CACNA2D3: variants seen among roughly 807,000 people sequenced by gnomAD.
CACNA2D3 encodes calcium voltage-gated channel auxiliary subunit alpha2delta 3.
A neutral mutation model predicts 160.6 loss-of-function variants in CACNA2D3; 60 were observed. The ratio of observed to expected loss-of-function variants is 0.37; its 90% CI spans 0.30 to 0.46. CACNA2D3 has a LOEUF of 0.46. CACNA2D3 is among the 20% of genes least tolerant of loss of function. The pLI is 1.00. For missense variants in CACNA2D3, 1,205 were observed against 1,365.0 expected, an observed-to-expected ratio of 0.88 and a Z score of 1.85; for synonymous variants, 558 against 492.9, an observed-to-expected ratio of 1.13 and a Z score of -1.75.
intron 27 of CACNA2D3, among the ~76,000 whole-genome samples, chr3:54,912,066 A>T (rs1398184190): frequency 6.6e-6 from 1 of 152,104 alleles, no homozygotes; most frequent in Admixed American, 6.6e-5. Flanking sequence ...TTTCACCGTC[A>T]CTCATGAGAT....
intron 2 of CACNA2D3, among the ~76,000 whole-genome samples, chr3:54,194,043 A>C: frequency 6.6e-6 from 1 of 151,966 alleles, no homozygotes; most frequent in East Asian, 1.9e-4. Context: ...GGAGATAGAG[A>C]GTAGAATGGT....
intron 4 of CACNA2D3, among the ~76,000 whole-genome samples, chr3:54,472,202 A>T (rs1700745700): frequency 6.6e-6 from 1 of 152,266 alleles, no homozygotes; most frequent in Non-Finnish European, 1.5e-5. Flanking sequence ...GTCCAACACG[A>T]TCAAGTTGGC....
chr3:54,651,794 G>A (rs1013474969), intron 11 of CACNA2D3, among the ~76,000 whole-genome samples: 2 of 152,126 alleles, frequency 1.3e-5, no homozygotes, highest in Non-Finnish European at 2.9e-5. Context: ...GCCTCTGAGG[G>A]GGTTTTGTAA....
At chr3:54,761,614 G>T (rs1702082501) in intron 12 of CACNA2D3, among the ~76,000 whole-genome samples, 1 of 152,132 alleles carries the variant, frequency 6.6e-6, no homozygotes, top group Non-Finnish European at 1.5e-5. Flanking sequence ...TAACTATGGT[G>T]CCTGATGGCT....
intron 34 of CACNA2D3, among the ~76,000 whole-genome samples, chr3:55,015,809 A>G (rs1285858972): frequency 6.6e-6 from 1 of 152,212 alleles, no homozygotes; most frequent in Non-Finnish European, 1.5e-5. Context: ...GAAAGGTGTT[A>G]GAAACTCCCT....
chr3:54,432,315 A>G (rs9855860), intron 4 of CACNA2D3, among the ~76,000 whole-genome samples: 27,139 of 152,114 alleles, frequency 0.18, 2,557 homozygotes, highest in Admixed American at 0.26. Flanking sequence ...GGGATAAACA[A>G]TGATCTTGTT....
intron 2 of CACNA2D3, among the ~76,000 whole-genome samples, chr3:54,284,291 TA>T (rs930186888): frequency 3.3e-5 from 5 of 151,090 alleles, no homozygotes; most frequent in Admixed American, 6.6e-5. Context: ...AAAATTAAAT[TA>T]AAAAAATTAA....
intron 29 of CACNA2D3, among the ~76,000 whole-genome samples, chr3:54,973,810 A>G (rs182037037): frequency 5.5e-4 from 84 of 152,340 alleles, no homozygotes; most frequent in African/African-American, 1.9e-3. Context: ...AGTTAATGCA[A>G]AGATAGAGCA....
At chr3:54,408,683 T>C (rs1349248933) in intron 4 of CACNA2D3, among the ~76,000 whole-genome samples, 2 of 152,220 alleles carry the variant, frequency 1.3e-5, no homozygotes, top group African/African-American at 2.4e-5. Context: ...GCCTCATCCA[T>C]GAATTATTAA....
chr3:54,530,493 G>A (rs1488964294), intron 5 of CACNA2D3, among the ~76,000 whole-genome samples: 3 of 152,214 alleles, frequency 2.0e-5, no homozygotes, highest in Non-Finnish European at 4.4e-5. Context: ...CTGGGGAAAT[G>A]TTTCCTTCAT....
intron 4 of CACNA2D3, among the ~76,000 whole-genome samples, chr3:54,389,100 G>C (rs1398454936): frequency 5.3e-5 from 8 of 152,106 alleles, no homozygotes; most frequent in Non-Finnish European, 8.8e-5. Flanking sequence ...TTTGAGACCA[G>C]CTTGGCCAAC....
intron 13 of CACNA2D3, among the ~76,000 whole-genome samples, chr3:54,797,984 A>C (rs888122350): frequency 1.3e-5 from 2 of 152,212 alleles, no homozygotes; most frequent in Non-Finnish European, 2.9e-5. Context: ...ATTATATTTC[A>C]TCCTAGAAGG....
At chr3:54,562,499 G>A (rs1018863260) in intron 5 of CACNA2D3, among the ~76,000 whole-genome samples, 2 of 152,064 alleles carry the variant, frequency 1.3e-5, no homozygotes, top group Non-Finnish European at 2.9e-5. Context: ...TTCTTAAAGA[G>A]GATTATGTGA....
At chr3:54,246,455 G>C (rs1702078318) in intron 2 of CACNA2D3, among the ~76,000 whole-genome samples, 1 of 152,198 alleles carries the variant, frequency 6.6e-6, no homozygotes, top group Non-Finnish European at 1.5e-5. Flanking sequence ...TACTTTGGGA[G>C]GCCAAGGTGG....
chr3:54,436,590 A>G (rs1431464559), intron 4 of CACNA2D3, among the ~76,000 whole-genome samples: 2 of 152,228 alleles, frequency 1.3e-5, no homozygotes. Context: ...ATGGAATACT[A>G]TGCAGCCATA....
At chr3:54,247,752 T>C (rs1702108230) in intron 2 of CACNA2D3, among the ~76,000 whole-genome samples, 1 of 152,076 alleles carries the variant, frequency 6.6e-6, no homozygotes, top group South Asian at 2.1e-4. Context: ...TCAAGAGAAA[T>C]TGCCTGGAAT....
chr3:54,332,457 T>C (rs993713799), intron 3 of CACNA2D3, among the ~76,000 whole-genome samples: 1 of 152,212 alleles, frequency 6.6e-6, no homozygotes, highest in African/African-American at 2.4e-5. Flanking sequence ...TGAGATATAA[T>C]TCACATATGT....
At chr3:54,190,528 C>T (rs182151465) in intron 2 of CACNA2D3, among the ~76,000 whole-genome samples, 115 of 152,290 alleles carry the variant, frequency 7.6e-4, no homozygotes, top group African/African-American at 2.6e-3. Context: ...CATCATTGTA[C>T]GTTTGATTTT....
chr3:54,512,207 G>A (rs554553518), intron 5 of CACNA2D3, among the ~76,000 whole-genome samples: 14 of 152,012 alleles, frequency 9.2e-5, no homozygotes, highest in Non-Finnish European at 8.8e-5. Context: ...CATCGGGCTC[G>A]CACAGGGTGT....
Sources: gnomAD v4.1 joint callset for allele counts (sites outside exome capture counted in the v4.1 genomes callset) on GRCh38, gnomAD v4.1.1 for gene constraint, MANE v1.5 for transcripts, NCBI Gene and HGNC (gene_info 2026-07-23, HGNC 2026-07-21) for gene names.